PTPRT: variants seen among roughly 807,000 people sequenced by gnomAD.
PTPRT encodes receptor-type tyrosine-protein phosphatase T.
A neutral mutation model predicts 176.8 loss-of-function variants in PTPRT; 56 were observed. The observed-to-expected ratio is 0.32, with a 90% CI of 0.26 to 0.40. The LOEUF (loss-of-function observed/expected upper bound fraction) is 0.40, where lower values mean the gene tolerates loss of function less well. Ranked by LOEUF, PTPRT falls within the 10% of genes least tolerant of loss-of-function variation. PTPRT has a pLI of 1.00. For synonymous variants in PTPRT, 783 were observed against 739.0 expected, an observed-to-expected ratio of 1.06 and a Z score of -0.96; for missense variants, 1,540 against 1,908.2, an observed-to-expected ratio of 0.81 and a Z score of 3.60.
chr20:43,026,235 A>C (rs567354739), intron 1 of PTPRT, among the ~76,000 whole-genome samples: 1 of 152,166 alleles, frequency 6.6e-6, no homozygotes, highest in East Asian at 1.9e-4. Context: ...CTCCTACCTC[A>C]GCCTCCCAAG....
intron 9 of PTPRT, among the ~76,000 whole-genome samples, chr20:42,408,385 CGT>C (rs756482470): frequency 6.6e-6 from 1 of 151,614 alleles, no homozygotes; most frequent in Non-Finnish European, 1.5e-5. Flanking sequence ...AAAACCCGTG[CGT>C]GTGTGTGTAT....
At chr20:42,169,743 AACACACACACAC>A (rs56329932) in intron 16 of PTPRT, among the ~76,000 whole-genome samples, 25 of 104,634 alleles carry the variant, frequency 2.4e-4, no homozygotes, top group Middle Eastern at 0.012. Context: ...ACAATTTTCA[AACACACACACAC>A]ACACACACAC....
chr20:42,554,662 T>C (rs1224654390), intron 7 of PTPRT, among the ~76,000 whole-genome samples: 3 of 152,174 alleles, frequency 2.0e-5, no homozygotes, highest in Non-Finnish European at 4.4e-5. Context: ...TGATGATAAG[T>C]GCAGGCCCAT....
At chr20:42,055,159 G>A in the PTPRT span, among the ~76,000 whole-genome samples, 331 of 152,294 alleles carry the variant, frequency 2.2e-3, 2 homozygotes, top group African/African-American at 5.9e-3. Flanking sequence ...TGTGCTTAAC[G>A]TGGCGGTACA....
intron 8 of PTPRT, among the ~76,000 whole-genome samples, chr20:42,449,158 A>G (rs546124643): frequency 6.6e-6 from 1 of 152,316 alleles, no homozygotes; most frequent in African/African-American, 2.4e-5. Context: ...AATTAGAAGA[A>G]GCTCGCCTTG....
chr20:42,679,503 A>G (rs1338287234), intron 6 of PTPRT, among the ~76,000 whole-genome samples: 1 of 152,198 alleles, frequency 6.6e-6, no homozygotes, highest in Admixed American at 6.5e-5. Context: ...GCAGAACAAT[A>G]AAGAAAATGG....
At chr20:42,667,785 T>G (rs1321487459) in intron 7 of PTPRT, among the ~76,000 whole-genome samples, 1 of 152,156 alleles carries the variant, frequency 6.6e-6, no homozygotes, top group East Asian at 1.9e-4. Flanking sequence ...AGTAGTGCAG[T>G]CTCCTTCCTC....
At chr20:42,722,826 G>A (rs1334393090) in intron 6 of PTPRT, among the ~76,000 whole-genome samples, 2 of 152,204 alleles carry the variant, frequency 1.3e-5, no homozygotes, top group Admixed American at 1.3e-4. Context: ...ATACAGGACA[G>A]CACAGATCTA....
chr20:42,771,375 A>G (rs1260744483), intron 5 of PTPRT, 60 bp downstream of exon 5: 1 of 1,436,554 alleles, frequency 7.0e-7, no homozygotes, highest in Non-Finnish European at 9.8e-7. Flanking sequence ...GCTTCCTTCC[A>G]GTCCTTCTTT....
chr20:42,465,672 T>G (rs888162064), intron 8 of PTPRT, among the ~76,000 whole-genome samples: 1 of 152,210 alleles, frequency 6.6e-6, no homozygotes, highest in Non-Finnish European at 1.5e-5. Flanking sequence ...TGAAAATAGC[T>G]ACCTTTCAAG....
rs2076391065 is a variant in PTPRT at position 42,727,027 on chromosome 20, T to C, written c.859+29435A>G. ...AAAAGGTTACCTCCCAAGGCCTCAC[T>C]TTTTGCCTGCCAATACTCTGAGGTA... On this transcript the variant is annotated intron_variant, in intron 6 of 30. Coordinates refer to ENST00000373187, the MANE Select transcript of PTPRT (RefSeq NM_007050.6). Among the ~76,000 whole-genome samples the C allele has an allele frequency of 4.7e-5, 7 of 150,242 alleles. No individual in the cohort carries two copies. In the South Asian group the frequency reaches 1.5e-3, roughly 31 times the overall value.
At chr20:42,521,909 T>C (rs933853386) in intron 7 of PTPRT, among the ~76,000 whole-genome samples, 2 of 152,098 alleles carry the variant, frequency 1.3e-5, no homozygotes, top group African/African-American at 4.8e-5. Flanking sequence ...ATTATTTTCT[T>C]TTGAGGTCCA....
intron 16 of PTPRT, among the ~76,000 whole-genome samples, chr20:42,161,970 C>T (rs1181431589): frequency 3.9e-5 from 6 of 152,244 alleles, no homozygotes; most frequent in Admixed American, 2.0e-4. Context: ...CTCAGGTACT[C>T]GAAGATTGGA....
intron 4 of PTPRT, among the ~76,000 whole-genome samples, chr20:42,772,368 G>A (rs1039706484): frequency 3.9e-5 from 6 of 152,184 alleles, no homozygotes; most frequent in Non-Finnish European, 7.3e-5. Context: ...GTCTTACTCT[G>A]TGATGGTGCT....
At chr20:42,696,463 T>A (rs1335597916) in intron 6 of PTPRT, among the ~76,000 whole-genome samples, 3 of 146,720 alleles carry the variant, frequency 2.0e-5, no homozygotes, top group East Asian at 4.0e-4. Context: ...GAATTATTTT[T>A]TTTTTTTTTT....
chr20:42,980,389 G>C (rs917830799), intron 1 of PTPRT, among the ~76,000 whole-genome samples: 15 of 152,180 alleles, frequency 9.9e-5, no homozygotes, highest in Admixed American at 5.9e-4. Context: ...GGAAATAGAT[G>C]AACTTGTATT....
At chr20:42,747,615 C>T (rs1469656471) in intron 6 of PTPRT, among the ~76,000 whole-genome samples, 1 of 151,962 alleles carries the variant, frequency 6.6e-6, no homozygotes, top group East Asian at 1.9e-4. Flanking sequence ...GAGACCAGAT[C>T]GATAAAACAA....
intron 1 of PTPRT, among the ~76,000 whole-genome samples, chr20:43,054,568 G>GAAA (rs539616628): frequency 8.4e-6 from 1 of 119,624 alleles, no homozygotes; most frequent in Non-Finnish European, 1.8e-5. Context: ...AAAAGAAGGG[G>GAAA]AAAAAAAAAA....
At chr20:42,526,190 T>C (rs2072265068) in intron 7 of PTPRT, among the ~76,000 whole-genome samples, 1 of 152,214 alleles carries the variant, frequency 6.6e-6, no homozygotes, top group Admixed American at 6.5e-5. Flanking sequence ...ACTCTCTTAA[T>C]TTCTGCAGCA....
Sources: gnomAD v4.1 joint callset for allele counts (sites outside exome capture counted in the v4.1 genomes callset) on GRCh38, gnomAD v4.1.1 for gene constraint, MANE v1.5 for transcripts, NCBI Gene and HGNC (gene_info 2026-07-23, HGNC 2026-07-21) for gene names.